FAM161A: variants seen among roughly 807,000 people sequenced by gnomAD.
FAM161A encodes FAM161 centrosomal protein A.
Under a neutral mutation model 70.9 loss-of-function variants are expected in FAM161A, and 57 were observed. The observed-to-expected ratio is 0.80, with a 90% confidence interval of 0.65 to 1.00. FAM161A has a LOEUF of 1.00. Ranked by LOEUF, FAM161A falls within the 50% of genes least tolerant of loss-of-function variation. The pLI, the probability that FAM161A is intolerant of heterozygous loss-of-function variation, is 0.00. For missense variants in FAM161A, 880 were observed against 836.0 expected (o/e 1.05, Z -0.65); for synonymous variants, 299 against 295.7 (o/e 1.01, Z -0.12).
chr2:61,807,289 A>G, the FAM161A span, among the ~76,000 whole-genome samples: 1 of 151,880 alleles, frequency 6.6e-6, no homozygotes, highest in Non-Finnish European at 1.5e-5. Flanking sequence ...TTGAGCAAAT[A>G]AAGAGGCAGA....
chr2:61,806,990 C>T, the FAM161A span, among the ~76,000 whole-genome samples: 3 of 152,238 alleles, frequency 2.0e-5, no homozygotes, highest in Non-Finnish European at 2.9e-5. Flanking sequence ...CCACACCCAG[C>T]TCAACATCTT....
In FAM161A at chr2:61,844,047, G is replaced by A. The variant is rs145977777; in HGVS notation, c.184-1687C>T. Among the ~76,000 whole-genome samples the A allele has an allele frequency of 5.0e-3, 756 of 152,222 alleles. 3 individuals carry two copies. Among genetic ancestry groups the A allele is most frequent in the African/African-American group, 0.018 (736 of 41,556 alleles). On this transcript the variant is annotated intron_variant, in intron 1 of 6. Coordinates refer to ENST00000404929, the MANE Select transcript of FAM161A (RefSeq NM_001201543.2). ...ATTCCCAGCTACTCGGGAGGCTGCAGCAGGAGAATGGCGTGAACCTGGGAG... is the reference window on the plus strand; with the variant it reads ...ATTCCCAGCTACTCGGGAGGCTGCAACAGGAGAATGGCGTGAACCTGGGAG...
chr2:61,845,708 T>TCC (rs2105092911), intron 1 of FAM161A, among the ~76,000 whole-genome samples: 1 of 151,528 alleles, frequency 6.6e-6, no homozygotes, highest in South Asian at 2.1e-4. Flanking sequence ...GGTGGGAGGA[T>TCC]CACTTGAGCC....
intron 1 of FAM161A, among the ~76,000 whole-genome samples, chr2:61,844,912 G>C (rs1673150263): frequency 6.6e-6 from 1 of 152,226 alleles, no homozygotes. Context: ...AGGTGAGCCA[G>C]ACTGGAGACA....
intron 5 of FAM161A, among the ~76,000 whole-genome samples, chr2:61,828,456 G>T (rs1051917903): frequency 1.3e-5 from 2 of 152,084 alleles, no homozygotes; most frequent in Non-Finnish European, 2.9e-5. Flanking sequence ...AGCCTCTGGA[G>T]TAGCTGGGAC....
the FAM161A span, among the ~76,000 whole-genome samples, chr2:61,817,799 T>C: frequency 3.9e-5 from 6 of 152,116 alleles, no homozygotes; most frequent in African/African-American, 1.4e-4. Context: ...AGACCCTGTC[T>C]CTACAAAAAA....
chr2:61,833,784 A>G (rs898384858), intron 5 of FAM161A, among the ~76,000 whole-genome samples: 1 of 152,258 alleles, frequency 6.6e-6, no homozygotes, highest in Non-Finnish European at 1.5e-5. Context: ...AATCCCATCA[A>G]CTTGGGAGGT....
the FAM161A span, among the ~76,000 whole-genome samples, chr2:61,804,416 T>A: frequency 1.1e-4 from 16 of 152,014 alleles, no homozygotes; most frequent in Non-Finnish European, 2.1e-4. Context: ...TTGCTCTGGT[T>A]TCACACCCCT....
At chr2:61,831,939 T>C (rs1672588909) in intron 5 of FAM161A, among the ~76,000 whole-genome samples, 1 of 151,984 alleles carries the variant, frequency 6.6e-6, no homozygotes, top group Non-Finnish European at 1.5e-5. Flanking sequence ...ATATCACCAG[T>C]ATGCTCAGAG....
downstream of FAM161A, chr2:61,820,403 A>G: frequency 1.3e-6 from 1 of 757,902 alleles, no homozygotes; most frequent in Non-Finnish European, 2.4e-6. Flanking sequence ...GAGGAGGTGG[A>G]TGCAGCCATG....
chr2:61,840,705 C>T, intron 2 of FAM161A, 124 bp from the exon 3 acceptor site: 3 of 741,376 alleles, frequency 4.0e-6, no homozygotes, highest in Admixed American at 2.3e-5. Context: ...GGTTGGAGTG[C>T]AGTGGTGTGA....
At chr2:61,827,502 C>T (rs752625374) in intron 5 of FAM161A, among the ~76,000 whole-genome samples, 43 of 147,766 alleles carry the variant, frequency 2.9e-4, no homozygotes, top group South Asian at 1.3e-3. Context: ...CCCAGCTACT[C>T]GGGAGGCTGA....
Position 61,826,321 on chromosome 2 carries a change from G to A in FAM161A, c.*134C>T. The A allele has an allele frequency of 1.1e-6, 1 of 942,984 alleles. No homozygotes were observed. The highest frequency in any genetic ancestry group is 1.4e-5 in the South Asian group (1 of 71,476). 58.4% of individuals were successfully genotyped at this position (942,984 alleles called of 1,614,324 possible). ...CAATCAGCTGGATTCAGGCTTTTCA[G>A]GCTACAGATGACTTTGATCAACAGC... is the stretch of plus-strand genomic sequence containing the variant. On this transcript the variant is annotated 3_prime_UTR_variant, in exon 7 of 7. Coordinates refer to ENST00000404929, the MANE Select transcript of FAM161A (RefSeq NM_001201543.2).
intron 1 of FAM161A, among the ~76,000 whole-genome samples, chr2:61,843,627 T>C (rs1217469327): frequency 1.3e-5 from 2 of 152,220 alleles, no homozygotes; most frequent in African/African-American, 4.8e-5. Flanking sequence ...CAGAAAATTA[T>C]AGATCCAATC....
At chr2:61,844,856 GTA>G (rs1673148791) in intron 1 of FAM161A, among the ~76,000 whole-genome samples, 1 of 152,226 alleles carries the variant, frequency 6.6e-6, no homozygotes, top group Admixed American at 6.5e-5. Context: ...AGAGACAGAT[GTA>G]TGTCACAATG....
intron 1 of FAM161A, among the ~76,000 whole-genome samples, chr2:61,848,928 ATATATATATATT>A (rs1558491991): frequency 0.12 from 146 of 1,254 alleles, 59 homozygotes; most frequent in African/African-American, 0.31. Flanking sequence ...ATATATATTT[ATATATATATATT>A]TATATATATT....
intron 5 of FAM161A, among the ~76,000 whole-genome samples, chr2:61,831,774 C>G (rs1672583899): frequency 6.6e-6 from 1 of 152,102 alleles, no homozygotes; most frequent in African/African-American, 2.4e-5. Context: ...CTTTCAGCAA[C>G]CTCTCAAAAA....
At chr2:61,847,353 GA>G (rs1391334927) in intron 1 of FAM161A, among the ~76,000 whole-genome samples, 1 of 152,002 alleles carries the variant, frequency 6.6e-6, no homozygotes, top group Non-Finnish European at 1.5e-5. Flanking sequence ...CTTCTCCCAG[GA>G]CTCACTGTCA....
rs200813667 is a variant in FAM161A at position 61,839,919 on chromosome 2, C to T, written c.1085G>A (p.Arg362Gln). 2.0e-5 allele frequency: 32 copies of T among 1,614,032 alleles called. No homozygotes were observed. The highest frequency in any genetic ancestry group is 6.7e-5 in the African/African-American group (5 of 74,914). ...ATTGGTAGTTGAACCATAAGTAGAT[C>T]GAGGAATGGGTCTGGCTTTAAATCG... ...TNRFKARPIP[R>Q]STYGSTTNDK... Residue 362 changes from arginine to glutamine, a missense_variant, in exon 3 of 7, where the codon CGA becomes CAA. Physicochemically the swap from Arg to Gln is conservative, Grantham distance 43. Coordinates refer to ENST00000404929, the MANE Select transcript of FAM161A (RefSeq NM_001201543.2).
Sources: allele counts gnomAD v4.1 joint callset (sites outside exome capture counted in the v4.1 genomes callset), GRCh38; gene constraint gnomAD v4.1.1; transcripts MANE v1.5; gene names NCBI Gene and HGNC (gene_info 2026-07-23, HGNC 2026-07-21).